Variants in CIB1 observed in about 807,000 individuals in gnomAD.
CIB1 encodes the protein calcium and integrin-binding protein 1.
A neutral mutation model predicts 25.0 loss-of-function variants in CIB1; 19 were observed. That is an observed-to-expected ratio of 0.76 (90% CI 0.53 to 1.12). CIB1 has a LOEUF of 1.12. Ranked by LOEUF, CIB1 falls within the 50% of genes most tolerant of loss-of-function variation. CIB1 has a pLI of 0.00. For missense variants in CIB1, 236 were observed against 242.6 expected (o/e 0.97, Z 0.18); for synonymous variants, 104 against 98.5 (o/e 1.06, Z -0.33).
the CIB1 span, among the ~76,000 whole-genome samples, chr15:90,255,567 A>T: frequency 1.3e-5 from 2 of 152,016 alleles, no homozygotes; most frequent in Non-Finnish European, 2.9e-5. Context: ...GGTAGGAGTC[A>T]CAGAGGGTTT....
chr15:90,233,928 C>G lies in CIB1; in HGVS notation c.-43G>C. ...AGCTCCGCCAACTCGCCTCGAGACG[C>G]AGACAACTTTCTCACTTCCGCCCTT... On this transcript the variant is annotated 5_prime_UTR_variant, in exon 1 of 7. Coordinates refer to ENST00000328649, the MANE Select transcript of CIB1 (RefSeq NM_006384.4). 3 of 1,446,502 alleles carry G rather than the reference C, an allele frequency of 2.1e-6. No individual in the cohort carries two copies. Among genetic ancestry groups the G allele is most frequent in the Non-Finnish European group, 2.7e-6 (3 of 1,104,948 alleles). The allele number at this position is 1,446,502 out of a possible 1,614,324, so 89.6% of individuals were successfully genotyped here. A position where few individuals can be genotyped will look rare whatever the true frequency, so the allele number is the denominator to read the frequency against.
upstream of CIB1, among the ~76,000 whole-genome samples, chr15:90,236,913 C>T (rs953486347): frequency 1.3e-5 from 2 of 152,046 alleles, no homozygotes; most frequent in Admixed American, 1.3e-4. Context: ...ACCTGATCAA[C>T]TCTTGGTACA....
chr15:90,249,088 G>A, the CIB1 span, among the ~76,000 whole-genome samples: 6 of 152,042 alleles, frequency 3.9e-5, no homozygotes, highest in African/African-American at 1.4e-4. Context: ...GCACGCTCCT[G>A]TAGTCACAGC....
At chr15:90,241,313 C>T in the CIB1 span, 2 of 1,614,118 alleles carry the variant, frequency 1.2e-6, no homozygotes, top group African/African-American at 1.3e-5. Context: ...GAGAAGTCCT[C>T]TTCCGTTTGC....
intron 3 of CIB1, among the ~76,000 whole-genome samples, chr15:90,231,755 G>T (rs2073704): frequency 6.6e-6 from 1 of 152,124 alleles, no homozygotes; most frequent in South Asian, 2.1e-4. Context: ...CACATACAAC[G>T]TAAGTGTGGG....
chr15:90,233,927 GCAGA>G lies in CIB1; in HGVS notation c.-46_-43del. 1 of 1,445,892 alleles carries G rather than the reference GCAGA, an allele frequency of 6.9e-7. No individual in the cohort carries two copies. Among genetic ancestry groups the G allele is most frequent in the Non-Finnish European group, 9.1e-7 (1 of 1,104,478 alleles). The allele number at this position is 1,445,892 out of a possible 1,614,324, so 89.6% of individuals were successfully genotyped here. A position where few individuals can be genotyped will look rare whatever the true frequency, so the allele number is the denominator to read the frequency against. ...CAGCTCCGCCAACTCGCCTCGAGACGCAGACAACTTTCTCACTTCCGCCCTTGGG... is the reference window on the plus strand; with the variant it reads ...CAGCTCCGCCAACTCGCCTCGAGACGCAACTTTCTCACTTCCGCCCTTGGG... On this transcript the variant is annotated 5_prime_UTR_variant, in exon 1 of 7. Transcript: ENST00000328649.
At chr15:90,257,861 C>G in the CIB1 span, 2 of 959,970 alleles carry the variant, frequency 2.1e-6, no homozygotes, top group East Asian at 5.1e-5. Flanking sequence ...TGTGCCTGCA[C>G]TTTGGAGCTC....
At chr15:90,244,473 G>A in the CIB1 span, 9 of 152,156 alleles carry the variant, frequency 5.9e-5, no homozygotes, top group Non-Finnish European at 1.0e-4. Context: ...GAGAGTATGT[G>A]GGTGTGAAAT....
At chr15:90,251,270 C>T in the CIB1 span, among the ~76,000 whole-genome samples, 7 of 131,336 alleles carry the variant, frequency 5.3e-5, no homozygotes, top group South Asian at 2.7e-4. Flanking sequence ...CCTGCCACCA[C>T]GCATGGCAAA....
the CIB1 span, chr15:90,263,220 A>C: frequency 2.3e-6 from 3 of 1,327,036 alleles, no homozygotes; most frequent in Non-Finnish European, 3.0e-6. Context: ...GTTGGTCTCA[A>C]CAAAGGAGGC....
chr15:90,241,939 C>T, the CIB1 span: 1 of 1,614,156 alleles, frequency 6.2e-7, no homozygotes, highest in East Asian at 2.2e-5. Context: ...GTCAAAACAT[C>T]CCAGGACTTC....
At chr15:90,257,516 G>T in the CIB1 span, 1 of 1,045,352 alleles carries the variant, frequency 9.6e-7, no homozygotes, top group Non-Finnish European at 1.4e-6. Context: ...GCAGTCCTCT[G>T]GTGGAGAGAG....
At chr15:90,246,787 C>CAAAAAAAAAAAA in the CIB1 span, among the ~76,000 whole-genome samples, 11 of 45,244 alleles carry the variant, frequency 2.4e-4, no homozygotes, top group Admixed American at 6.1e-4. Context: ...GACTCTGTCT[C>CAAAAAAAAAAAA]AAAAAAAAAA....
chr15:90,265,091 C>T, the CIB1 span: 1 of 1,322,060 alleles, frequency 7.6e-7, no homozygotes, highest in South Asian at 1.5e-5. Flanking sequence ...CCAGGAACCC[C>T]ATTTGTATAA....
At chr15:90,260,871 GAGAA>G in the CIB1 span, among the ~76,000 whole-genome samples, 7 of 147,808 alleles carry the variant, frequency 4.7e-5, no homozygotes, top group East Asian at 4.0e-4. Context: ...AAAAAAAAGA[GAGAA>G]AGAAAGGAAG....
the CIB1 span, chr15:90,257,192 T>C: frequency 8.1e-6 from 13 of 1,613,904 alleles, no homozygotes; most frequent in Non-Finnish European, 9.3e-6. Context: ...CCTGATCACA[T>C]CCTGTGACCC....
chr15:90,257,382 G>C, the CIB1 span: 18 of 1,477,154 alleles, frequency 1.2e-5, 1 homozygote, highest in South Asian at 2.3e-4. Flanking sequence ...CAAAGAACAA[G>C]GAATGAAGCC....
Position 90,232,243 on chromosome 15 carries a change from C to CTGCTCGAAGGGCACTTG in CIB1, c.154_170dup (p.Gln57HisfsTer73), listed in dbSNP as rs1252915512. 6.2e-7 allele frequency: 1 copy of CTGCTCGAAGGGCACTTG among 1,612,626 alleles called. No homozygotes were observed. The highest frequency in any genetic ancestry group is 2.2e-5 in the East Asian group (1 of 44,808). ...CCTTGAGCTCTGGAAGGCTGAGAAT[C>CTGCTCGAAGGGCACTTG]TGCTCGAAGGGCACTTGTGCCCGAA... is the stretch of plus-strand genomic sequence containing the variant. On this transcript the variant is annotated frameshift_variant, in exon 3 of 7. Coordinates refer to ENST00000328649, the MANE Select transcript of CIB1 (RefSeq NM_006384.4). LOFTEE classifies it high-confidence loss of function.
chr15:90,261,983 C>T, the CIB1 span: 2 of 1,517,838 alleles, frequency 1.3e-6, no homozygotes, highest in African/African-American at 1.4e-5. Context: ...CTACTCTTGA[C>T]TCACTGAGCT....
Sources: allele counts gnomAD v4.1 joint callset (sites outside exome capture counted in the v4.1 genomes callset), GRCh38; gene constraint gnomAD v4.1.1; transcripts MANE v1.5; gene names NCBI Gene and HGNC (gene_info 2026-07-23, HGNC 2026-07-21).